FBXL17: variants seen among roughly 807,000 people sequenced by gnomAD.
The protein encoded by FBXL17 is F-box and leucine rich repeat protein 17, also known as F-box/LRR-repeat protein 17.
A neutral mutation model predicts 66.2 loss-of-function variants in FBXL17; 22 were observed. That is an observed-to-expected ratio of 0.33 (90% confidence interval 0.24 to 0.47). The LOEUF (loss-of-function observed/expected upper bound fraction) is 0.47. Among genes scored for constraint, FBXL17 ranks in the 20% least tolerant of loss-of-function variants. The pLI is 1.00. For synonymous variants in FBXL17, 474 were observed against 400.5 expected (o/e 1.18, Z -2.19); for missense variants, 878 against 948.2 (o/e 0.93, Z 0.97).
At chr5:108,196,345 G>C (rs935964054) in intron 5 of FBXL17, among the ~76,000 whole-genome samples, 7 of 152,112 alleles carry the variant, frequency 4.6e-5, no homozygotes, top group Non-Finnish European at 8.8e-5. Flanking sequence ...CTCAGCCCCA[G>C]TGTATGTCCT....
At chr5:108,047,657 A>G (rs1437160120) in intron 6 of FBXL17, among the ~76,000 whole-genome samples, 4 of 152,146 alleles carry the variant, frequency 2.6e-5, no homozygotes, top group African/African-American at 9.7e-5. Context: ...CCATAGCTCA[A>G]CACACCGGCT....
intron 7 of FBXL17, among the ~76,000 whole-genome samples, chr5:107,946,022 T>C (rs114829045): frequency 0.03 from 4,587 of 151,630 alleles, 92 homozygotes; most frequent in South Asian, 0.055. Flanking sequence ...GCACACAGTA[T>C]TAGCAGTTTT....
At chr5:108,300,335 T>C (rs1015655543) in intron 4 of FBXL17, among the ~76,000 whole-genome samples, 1 of 151,944 alleles carries the variant, frequency 6.6e-6, no homozygotes, top group African/African-American at 2.4e-5. Context: ...TCAAACTTTT[T>C]CTACTTCTAT....
chr5:108,019,717 G>C (rs1198570601), intron 7 of FBXL17, among the ~76,000 whole-genome samples: 1 of 151,718 alleles, frequency 6.6e-6, no homozygotes, highest in African/African-American at 2.4e-5. Context: ...GAACTCTTTA[G>C]GGTCTAGACA....
rs1376248589 is a variant in FBXL17, at chr5:108,186,145, G to T, written c.1717C>A (p.Leu573Ile). 6.2e-7 allele frequency: 1 copy of T among 1,612,258 alleles called. No individual in the cohort carries two copies. The highest frequency in any genetic ancestry group is 1.3e-5 in the African/African-American group (1 of 75,012). ...TCATTTATGATCCAGTTCAGACAGA[G>T]ATTGAGAGAGCTAAGATTTTTGCAC... Reference protein sequence around the residue: ...KRCKNLSSLNLCLNWIINDRC... With the variant: ...KRCKNLSSLNICLNWIINDRC... Residue 573 changes from leucine to isoleucine, a missense_variant, in exon 6 of 9, where the codon CTC (leucine) becomes ATC (isoleucine). This residue lies in a region of FBXL17 where 236 missense variants were observed against 389.1 expected (regional missense o/e 0.61). Coordinates refer to ENST00000542267, the MANE Select transcript of FBXL17 (RefSeq NM_001163315.3).
chr5:107,962,696 A>G (rs1176523471), intron 7 of FBXL17, among the ~76,000 whole-genome samples: 2 of 151,956 alleles, frequency 1.3e-5, no homozygotes, highest in African/African-American at 2.4e-5. Flanking sequence ...TTTTTAATGA[A>G]CAAATCTGAT....
chr5:108,272,410 G>C (rs925731272), intron 4 of FBXL17, among the ~76,000 whole-genome samples: 2 of 150,544 alleles, frequency 1.3e-5, no homozygotes, highest in African/African-American at 4.9e-5. Flanking sequence ...CTGGATTGCA[G>C]TGGCACAATC....
intron 8 of FBXL17, among the ~76,000 whole-genome samples, chr5:107,864,962 TAAAC>T (rs1005003270): frequency 6.6e-6 from 1 of 152,216 alleles, no homozygotes; most frequent in Admixed American, 6.5e-5. Flanking sequence ...CCTTCTGCCA[TAAAC>T]AAACAAAAGC....
At chr5:108,232,392 C>A (rs1755384941) in intron 4 of FBXL17, among the ~76,000 whole-genome samples, 1 of 151,894 alleles carries the variant, frequency 6.6e-6, no homozygotes, top group Non-Finnish European at 1.5e-5. Context: ...TTCAAGTTGG[C>A]AAGGGGTGGA....
intron 5 of FBXL17, among the ~76,000 whole-genome samples, chr5:108,213,088 G>C (rs973906993): frequency 1.1e-4 from 16 of 152,238 alleles, no homozygotes; most frequent in African/African-American, 3.9e-4. Flanking sequence ...CAGTGGCTTT[G>C]TTTACACTGT....
intron 6 of FBXL17, among the ~76,000 whole-genome samples, chr5:108,069,332 G>A (rs920857265): frequency 6.6e-6 from 1 of 152,156 alleles, no homozygotes; most frequent in East Asian, 1.9e-4. Flanking sequence ...GGCTTATGGC[G>A]AGGCTACTCT....
At chr5:108,287,079 T>C (rs1278832205) in intron 4 of FBXL17, among the ~76,000 whole-genome samples, 3 of 151,840 alleles carry the variant, frequency 2.0e-5, no homozygotes, top group South Asian at 2.1e-4. Context: ...ATGCAGAAGA[T>C]TGAAACTGGA....
intron 1 of FBXL17, among the ~76,000 whole-genome samples, chr5:108,371,681 A>G (rs1428351889): frequency 6.6e-6 from 1 of 152,236 alleles, no homozygotes. Context: ...TATGAGAACC[A>G]AATAGAAATG....
intron 4 of FBXL17, among the ~76,000 whole-genome samples, chr5:108,253,306 T>C (rs1235705261): frequency 2.0e-5 from 3 of 152,178 alleles, no homozygotes; most frequent in Non-Finnish European, 2.9e-5. Flanking sequence ...GTAATTCTGG[T>C]ATTTATGCAT....
chr5:107,991,677 C>A lies in FBXL17; in HGVS notation c.1822+29248G>T, dbSNP rs145737480. ...AGTTTGCAGATTAGCTATATTCATCCCTCCTATTCCCCAGAAATAACCTGC... is the reference window on the plus strand; with the variant it reads ...AGTTTGCAGATTAGCTATATTCATCACTCCTATTCCCCAGAAATAACCTGC... On this transcript the variant is annotated intron_variant, in intron 7 of 8. Coordinates refer to ENST00000542267, the MANE Select transcript of FBXL17 (RefSeq NM_001163315.3). Among the ~76,000 whole-genome samples, 682 of 152,268 alleles carry A rather than the reference C, an allele frequency of 4.5e-3. 14 individuals are homozygous for A. Among genetic ancestry groups the A allele is most frequent in the Admixed American group, 0.039 (592 of 15,282 alleles).
intron 5 of FBXL17, among the ~76,000 whole-genome samples, chr5:108,202,821 G>A (rs2150050937): frequency 6.6e-6 from 1 of 152,264 alleles, no homozygotes; most frequent in African/African-American, 2.4e-5. Context: ...CTGGGAAAAT[G>A]AAACAGCAGA....
chr5:108,221,612 A>G (rs1163138088), intron 5 of FBXL17, among the ~76,000 whole-genome samples: 1 of 152,166 alleles, frequency 6.6e-6, no homozygotes, highest in Non-Finnish European at 1.5e-5. Context: ...TTAGGCTGAT[A>G]ACTCTTAACA....
At chr5:108,146,381 T>C (rs1580510769) in intron 6 of FBXL17, among the ~76,000 whole-genome samples, 1 of 152,158 alleles carries the variant, frequency 6.6e-6, no homozygotes, top group Admixed American at 6.5e-5. Context: ...ATGGTAATTC[T>C]AGTGGTACTT....
At chr5:108,154,047 A>T (rs531178223) in intron 6 of FBXL17, among the ~76,000 whole-genome samples, 1 of 151,990 alleles carries the variant, frequency 6.6e-6, no homozygotes, top group Non-Finnish European at 1.5e-5. Context: ...AAATAGCCCA[A>T]ATGAGCCCAC....
Sources: gnomAD v4.1 joint callset for allele counts (sites outside exome capture counted in the v4.1 genomes callset) on GRCh38, gnomAD v4.1.1 for gene constraint, gnomAD v4.1.1 regional missense constraint, MANE v1.5 for transcripts, NCBI Gene and HGNC (gene_info 2026-07-23, HGNC 2026-07-21) for gene names.